CHRM2: variants seen among roughly 807,000 people sequenced by gnomAD.
The protein encoded by CHRM2 is muscarinic acetylcholine receptor M2.
In CHRM2, 8 loss-of-function variants were observed where a neutral mutation model predicts 25.0. The observed-to-expected ratio is 0.32, with a 90% CI of 0.19 to 0.58. The LOEUF (loss-of-function observed/expected upper bound fraction) is 0.58. Ranked by LOEUF, CHRM2 falls within the 20% of genes least tolerant of loss-of-function variation. The probability of loss-of-function intolerance (pLI) is 0.88; values close to 1 mark genes in which losing one functional copy is unlikely to be tolerated. For synonymous variants in CHRM2, 202 were observed against 205.7 expected, an observed-to-expected ratio of 0.98 and a Z score of 0.15; for missense variants, 440 against 567.1, an observed-to-expected ratio of 0.78 and a Z score of 2.28.
intron 2 of CHRM2, among the ~76,000 whole-genome samples, chr7:136,940,881 T>C (rs1799732261): frequency 6.6e-6 from 1 of 152,186 alleles, no homozygotes. Flanking sequence ...TAATGCTTAT[T>C]TGAGGATCAG....
chr7:136,942,711 A>T (rs1033595735), intron 2 of CHRM2, among the ~76,000 whole-genome samples: 2 of 152,150 alleles, frequency 1.3e-5, no homozygotes, highest in African/African-American at 4.8e-5. Flanking sequence ...TTCTGTGGTG[A>T]AGAGGAAAGC....
chr7:136,965,885 A>G (rs1435467142), intron 2 of CHRM2, among the ~76,000 whole-genome samples: 2 of 152,032 alleles, frequency 1.3e-5, no homozygotes, highest in African/African-American at 4.8e-5. Flanking sequence ...TAAATGAGCC[A>G]TGATGTGTTG....
chr7:136,956,656 G>C (rs893165749), intron 2 of CHRM2, among the ~76,000 whole-genome samples: 4 of 152,082 alleles, frequency 2.6e-5, no homozygotes, highest in African/African-American at 9.7e-5. Flanking sequence ...GCATTCAAAT[G>C]TTATCCTTCA....
chr7:136,918,799 C>T (rs1306294184), intron 2 of CHRM2, among the ~76,000 whole-genome samples: 1 of 151,864 alleles, frequency 6.6e-6, no homozygotes, highest in African/African-American at 2.4e-5. Flanking sequence ...CTTCCAGCAG[C>T]CACTGATATA....
rs571716407 is a variant in CHRM2, at chr7:137,007,974, T to C, written c.-46-6846T>C. On this transcript the variant is annotated intron_variant, in intron 3 of 3. Coordinates refer to ENST00000680005, the MANE Select transcript of CHRM2 (RefSeq NM_001006630.2). ...ATAATCTCAAAGCCTATTTAACACA[T>C]TCACTAATGCAGTTTATAAATTAGT... Among the ~76,000 whole-genome samples, 4 of 152,226 alleles carry C rather than the reference T, an allele frequency of 2.6e-5. No homozygotes were observed. In the South Asian group the frequency reaches 8.3e-4, roughly 32 times the overall value.
chr7:136,886,474 G>A (rs770356533), intron 2 of CHRM2, among the ~76,000 whole-genome samples: 1 of 152,208 alleles, frequency 6.6e-6, no homozygotes, highest in Non-Finnish European at 1.5e-5. Flanking sequence ...ACTTCAAAGT[G>A]TAATTTCTTG....
In CHRM2 at chr7:136,869,397, A is replaced by G. The variant is rs1040153501; in HGVS notation, c.-146A>G. 123 of 152,364 alleles carry G rather than the reference A, an allele frequency of 8.1e-4. 2 individuals carry two copies. Among genetic ancestry groups the G allele is most frequent in the Admixed American group, 8.0e-3 (123 of 15,288 alleles). 9.4% of individuals were successfully genotyped at this position (152,364 alleles called of 1,614,324 possible). A position where few individuals can be genotyped will look rare whatever the true frequency, so the allele number is the denominator to read the frequency against. Reference sequence around the variant, plus strand: ...CCACCACCTCGCAGCCGGGGAGGCAACTGGAGCGAAACCAGCGACAGGTAA... The same window carrying G: ...CCACCACCTCGCAGCCGGGGAGGCAGCTGGAGCGAAACCAGCGACAGGTAA... On this transcript the variant is annotated 5_prime_UTR_variant, in exon 2 of 4. Transcript: ENST00000680005. This position sits in a 1 kb window ranked among gnomAD's most constrained non-coding sequence, Gnocchi z 4.9.
At chr7:136,892,906 G>C (rs888583776) in intron 2 of CHRM2, among the ~76,000 whole-genome samples, 1 of 152,110 alleles carries the variant, frequency 6.6e-6, no homozygotes, top group Non-Finnish European at 1.5e-5. Flanking sequence ...CTGACCTCAG[G>C]TCTCCCAAAG....
intron 2 of CHRM2, among the ~76,000 whole-genome samples, chr7:136,947,257 G>A (rs995847208): frequency 6.6e-6 from 1 of 151,946 alleles, no homozygotes; most frequent in Non-Finnish European, 1.5e-5. Flanking sequence ...GCAGAGAAAG[G>A]AAAAACATTA....
chr7:137,015,261 A>C lies in CHRM2; in HGVS notation c.396A>C (p.Pro132=), dbSNP rs1301238034. Residue 132 remains proline (P), a synonymous_variant, in exon 4 of 4, where the codon CCA becomes CCC. Transcript: ENST00000680005. The surrounding 1 kb of genome is among the most constrained non-coding windows in gnomAD (Gnocchi z 5.1). The part of the protein sequence containing the change: ...YFCVTKPLTY[P]VKRTTKMAGM... ...GTGTCACAAAACCTCTGACCTACCC[A>C]GTCAAGCGGACCACAAAAATGGCAG... is the stretch of plus-strand genomic sequence containing the variant. 1 of 1,613,362 alleles carries C rather than the reference A, an allele frequency of 6.2e-7. No individual in the cohort carries two copies. The highest frequency in any genetic ancestry group is 8.5e-7 in the Non-Finnish European group (1 of 1,179,640).
chr7:136,934,454 C>G, intron 2 of CHRM2, among the ~76,000 whole-genome samples: 1 of 152,100 alleles, frequency 6.6e-6, no homozygotes, highest in Non-Finnish European at 1.5e-5. Flanking sequence ...GCCCTATACT[C>G]CAAATAACTC....
At chr7:136,995,414 T>G (rs1233740498) in intron 3 of CHRM2, among the ~76,000 whole-genome samples, 3 of 152,166 alleles carry the variant, frequency 2.0e-5, no homozygotes, top group Non-Finnish European at 4.4e-5. Context: ...AAATATTTCT[T>G]GATATGAATA....
chr7:136,931,647 C>T (rs981182426), intron 2 of CHRM2, among the ~76,000 whole-genome samples: 1 of 152,150 alleles, frequency 6.6e-6, no homozygotes, highest in African/African-American at 2.4e-5. Flanking sequence ...GTGATGTTGT[C>T]CACTCCTGGA....
At position 137,014,753 on chromosome 7, in the gene CHRM2, AAC is replaced by A. The variant is rs1333735307; in HGVS notation, c.-46-65_-46-64del. On this transcript the variant is annotated intron_variant, in intron 3 of 3. Transcript: ENST00000680005. The stretch of plus-strand genomic sequence containing the variant: ...GAAAATAATGTGGTTTAAAAGGAGA[AAC>A]AACATTATGTATTTTAAACCAATGT... 6.0e-6 allele frequency: 6 copies of A among 1,000,982 alleles called. No homozygotes were observed. The Admixed American group carries it at 1.2e-4, about 21-fold the overall frequency. 62.0% of individuals were successfully genotyped at this position (1,000,982 alleles called of 1,614,324 possible).
chr7:136,983,620 G>A (rs145276917), intron 2 of CHRM2, among the ~76,000 whole-genome samples: 233 of 152,240 alleles, frequency 1.5e-3, no homozygotes, highest in African/African-American at 3.8e-3. Flanking sequence ...GAGGTTTTAC[G>A]TGGACGTACT....
chr7:136,959,835 T>C (rs1800959072), intron 2 of CHRM2, among the ~76,000 whole-genome samples: 1 of 152,074 alleles, frequency 6.6e-6, no homozygotes, highest in Non-Finnish European at 1.5e-5. Flanking sequence ...CGCTTGAACC[T>C]GGGAGGCAGA....
At chr7:136,909,736 T>C (rs1049597372) in intron 2 of CHRM2, among the ~76,000 whole-genome samples, 1 of 151,916 alleles carries the variant, frequency 6.6e-6, no homozygotes, top group African/African-American at 2.4e-5. Context: ...CCATACACCT[T>C]TAGATGCACT....
intron 3 of CHRM2, among the ~76,000 whole-genome samples, chr7:137,002,120 T>G (rs1002201343): frequency 1.8e-4 from 28 of 152,288 alleles, no homozygotes; most frequent in African/African-American, 6.3e-4. Context: ...GAAAGAATGC[T>G]TTCTGGTTTT....
At chr7:136,890,957 T>A (rs1796667958) in intron 2 of CHRM2, among the ~76,000 whole-genome samples, 1 of 152,210 alleles carries the variant, frequency 6.6e-6, no homozygotes, top group South Asian at 2.1e-4. Flanking sequence ...ATCCCTACTG[T>A]GTCTCCTTTC....
Sources: allele counts gnomAD v4.1 joint callset (sites outside exome capture counted in the v4.1 genomes callset), GRCh38; gene constraint gnomAD v4.1.1; non-coding constraint Gnocchi (gnomAD v3.1); transcripts MANE v1.5; gene names NCBI Gene and HGNC (gene_info 2026-07-23, HGNC 2026-07-21).